The following AREL1 variants were observed in gnomAD, a reference collection of about 807,000 sequenced individuals.
AREL1 encodes apoptosis-resistant E3 ubiquitin protein ligase 1.
A neutral mutation model predicts 99.0 loss-of-function variants in AREL1; 62 were observed. That is an observed-to-expected ratio of 0.63 (90% CI 0.51 to 0.77). The LOEUF (loss-of-function observed/expected upper bound fraction) is 0.77, where lower values mean the gene tolerates loss of function less well. Among genes scored for constraint, AREL1 ranks in the 30% least tolerant of loss-of-function variants. The pLI, the probability that AREL1 is intolerant of heterozygous loss-of-function variation, is 0.00. For missense variants in AREL1, 879 were observed against 1,027.6 expected, an observed-to-expected ratio of 0.86 and a Z score of 1.98; for synonymous variants, 380 against 376.5, an observed-to-expected ratio of 1.01 and a Z score of -0.11.
At chr14:74,699,329 A>C (rs1336823344) in intron 1 of AREL1, among the ~76,000 whole-genome samples, 1 of 151,500 alleles carries the variant, frequency 6.6e-6, no homozygotes, top group Non-Finnish European at 1.5e-5. Flanking sequence ...AAAGTGTCCC[A>C]GTCTAAGTGA....
At chr14:74,689,655 T>C (rs1165821877) in intron 2 of AREL1, among the ~76,000 whole-genome samples, 1 of 143,690 alleles carries the variant, frequency 7.0e-6, no homozygotes, top group Non-Finnish European at 1.5e-5. Flanking sequence ...TGGAGTGCAA[T>C]GGCGTGATCT....
chr14:74,698,002 T>A (rs1461256214), intron 1 of AREL1, among the ~76,000 whole-genome samples: 2 of 152,056 alleles, frequency 1.3e-5, no homozygotes, highest in Non-Finnish European at 2.9e-5. Context: ...GAAAAAAAAA[T>A]TTCATGTTAA....
intron 1 of AREL1, among the ~76,000 whole-genome samples, chr14:74,706,007 C>T (rs1331128365): frequency 1.3e-5 from 2 of 152,200 alleles, no homozygotes; most frequent in Admixed American, 1.3e-4. Context: ...AAAGAGAAAA[C>T]TGGCTCATCC....
Position 74,676,253 on chromosome 14 carries a change from A to G in AREL1, c.720T>C (p.Thr240=). 1 of 1,614,190 alleles carries G rather than the reference A, an allele frequency of 6.2e-7. No individual in the cohort carries two copies. Among genetic ancestry groups the G allele is most frequent in the South Asian group, 1.1e-5 (1 of 91,086 alleles). The stretch of plus-strand genomic sequence containing the variant: ...GGGTGAGTCGCAAGAACACCTGGAA[A>G]GTCTGCCTGTTGGATGTTACTGATT... The part of the protein sequence containing the change: ...FEKSVTSNRQ[T]FQVFLRLTLH... The change falls in exon 7 of 20, where the codon ACT becomes ACC. Residue 240 remains threonine, a synonymous_variant. Coordinates refer to ENST00000356357, the MANE Select transcript of AREL1 (RefSeq NM_001039479.2).
intron 2 of AREL1, among the ~76,000 whole-genome samples, chr14:74,688,601 T>C (rs2089800049): frequency 1.3e-5 from 2 of 152,204 alleles, no homozygotes; most frequent in Admixed American, 6.5e-5. Context: ...AACTGTCTTC[T>C]TGAAACCTCC....
chr14:74,671,321 CTTTTTTTTTTTTT>C (rs34340758), intron 12 of AREL1, 74 bp downstream of exon 12: 9 of 123,260 alleles, frequency 7.3e-5, no homozygotes, highest in African/African-American at 4.3e-4. Context: ...GTAAGAGTTG[CTTTTTTTTTTTTT>C]TTTTTTTTTT....
rs369448420 is a variant in AREL1 at position 74,675,956 on chromosome 14, A to C, written c.833-10T>G. On this transcript the variant is annotated splice_polypyrimidine_tract_variant and intron_variant, in intron 7 of 19. Coordinates refer to ENST00000356357, the MANE Select transcript of AREL1 (RefSeq NM_001039479.2). ...ATATTCTTCTCATCCTCTGAAGTAT[A>C]ATAAGGAATAAGGTTTAAAGTAGAA... is the stretch of plus-strand genomic sequence containing the variant. 78 of 1,565,026 alleles carry C rather than the reference A, an allele frequency of 5.0e-5. No homozygotes were observed. The highest frequency in any genetic ancestry group is 6.0e-5 in the Non-Finnish European group (69 of 1,156,364).
At chr14:74,697,267 G>A (rs1053398583) in intron 1 of AREL1, among the ~76,000 whole-genome samples, 2 of 152,238 alleles carry the variant, frequency 1.3e-5, no homozygotes, top group Non-Finnish European at 2.9e-5. Context: ...ATCACCTACT[G>A]ATGTCCACCA....
intron 2 of AREL1, among the ~76,000 whole-genome samples, chr14:74,689,025 T>C (rs2089810905): frequency 6.6e-6 from 1 of 151,502 alleles, no homozygotes; most frequent in African/African-American, 2.4e-5. Flanking sequence ...TTTTTTTTTT[T>C]TTAGTAGAGA....
chr14:74,684,854 C>A lies in AREL1; in HGVS notation c.17-174G>T, dbSNP rs552238012. 2.6e-5 allele frequency among the ~76,000 whole-genome samples: 4 copies of A among 152,338 alleles called. No homozygotes were observed. In the East Asian group the frequency reaches 7.7e-4, roughly 29 times the overall value. On this transcript the variant is annotated intron_variant, in intron 3 of 19. Transcript: ENST00000356357. ...TGTAGATAAGAAAGGAACTTCTACACCAGGGGTCAGTAACTACAGTCCTCA... is the reference window on the plus strand; with the variant it reads ...TGTAGATAAGAAAGGAACTTCTACAACAGGGGTCAGTAACTACAGTCCTCA...
At chr14:74,690,264 C>CA (rs5809676) in intron 2 of AREL1, among the ~76,000 whole-genome samples, 3,534 of 72,874 alleles carry the variant, frequency 0.048, 74 homozygotes, top group African/African-American at 0.075. Context: ...ACCCTGTCTC[C>CA]AAAAAAAAAA....
chr14:74,681,063 G>C (rs2089616780), intron 5 of AREL1, among the ~76,000 whole-genome samples: 1 of 152,146 alleles, frequency 6.6e-6, no homozygotes, highest in African/African-American at 2.4e-5. Flanking sequence ...GTGCACACTT[G>C]TAGTCCCAGC....
chr14:74,695,892 G>A (rs764326878), intron 1 of AREL1, among the ~76,000 whole-genome samples: 3 of 152,218 alleles, frequency 2.0e-5, no homozygotes, highest in Non-Finnish European at 1.5e-5. Context: ...AGAGCAATCA[G>A]TATGAGAAGG....
At chr14:74,711,188 GCCATTGCA>G (rs1429606165) in intron 1 of AREL1, among the ~76,000 whole-genome samples, 1 of 146,582 alleles carries the variant, frequency 6.8e-6, no homozygotes, top group Non-Finnish European at 1.5e-5. Flanking sequence ...CCGAGATTGC[GCCATTGCA>G]CTCCAGCCTG....
intron 9 of AREL1, 52 bp downstream of exon 9, chr14:74,673,982 A>G: frequency 6.8e-7 from 1 of 1,461,746 alleles, no homozygotes; most frequent in Non-Finnish European, 9.6e-7. Flanking sequence ...AGGCTGAGAT[A>G]GTCCAGAGAT....
chr14:74,661,583 G>A lies in AREL1; in HGVS notation c.*2137C>T, dbSNP rs2089077904. The A allele has an allele frequency of 1.0e-5, 2 of 195,270 alleles. No homozygotes were observed. The highest frequency in any genetic ancestry group is 1.6e-4 in the East Asian group (1 of 6,428). 12.1% of individuals were successfully genotyped at this position (195,270 alleles called of 1,614,324 possible). Reference sequence around the variant, plus strand: ...ACATATTGTACCTTTTCCCCACACTGGCTAGTATGAAAGCAGGATTAGAAA... The same window carrying A: ...ACATATTGTACCTTTTCCCCACACTAGCTAGTATGAAAGCAGGATTAGAAA... On this transcript the variant is annotated 3_prime_UTR_variant, in exon 20 of 20. Coordinates refer to ENST00000356357, the MANE Select transcript of AREL1 (RefSeq NM_001039479.2).
At chr14:74,672,317 A>C (rs1399782804) in intron 11 of AREL1, among the ~76,000 whole-genome samples, 1 of 152,236 alleles carries the variant, frequency 6.6e-6, no homozygotes, top group Non-Finnish European at 1.5e-5. Context: ...CAAATAGAAG[A>C]ACAGACATAT....
intron 1 of AREL1, among the ~76,000 whole-genome samples, chr14:74,701,362 G>A (rs941424659): frequency 2.0e-5 from 3 of 152,148 alleles, no homozygotes; most frequent in African/African-American, 4.8e-5. Flanking sequence ...ACAGTACCAT[G>A]TGGCTGGGGA....
intron 1 of AREL1, among the ~76,000 whole-genome samples, chr14:74,694,736 T>C (rs1345115146): frequency 6.6e-6 from 1 of 151,770 alleles, no homozygotes; most frequent in East Asian, 1.9e-4. Flanking sequence ...ACGCCTGTAA[T>C]CCCAGCACTT....
Sources: allele counts gnomAD v4.1 joint callset (sites outside exome capture counted in the v4.1 genomes callset), GRCh38; gene constraint gnomAD v4.1.1; transcripts MANE v1.5; gene names NCBI Gene and HGNC (gene_info 2026-07-23, HGNC 2026-07-21).